Variants in SNAP23 observed in about 807,000 individuals in gnomAD.
SNAP23 encodes the protein synaptosome associated protein 23.
Under a neutral mutation model 29.0 loss-of-function variants are expected in SNAP23, and 11 were observed. The observed-to-expected ratio is 0.38, with a 90% CI of 0.24 to 0.63. The LOEUF (loss-of-function observed/expected upper bound fraction) is 0.63. Ranked by LOEUF, SNAP23 falls within the 20% of genes least tolerant of loss-of-function variation. SNAP23 has a pLI of 0.58. For synonymous variants in SNAP23, 60 were observed against 82.9 expected (o/e 0.72, Z 1.50); for missense variants, 220 against 253.9 (o/e 0.87, Z 0.91).
Position 42,515,165 on chromosome 15 carries a change from C to T in SNAP23, c.149-72C>T. 13 of 884,850 alleles carry T rather than the reference C, an allele frequency of 1.5e-5. No individual in the cohort carries two copies. In the South Asian group the frequency reaches 1.9e-4, roughly 13 times the overall value. The allele number at this position is 884,850 out of a possible 1,614,324, so 54.8% of individuals were successfully genotyped here. ...AGATTCAAGGTTGAAGTTTGCTGTTCCATAATAATAGCATTTTCTGGTTGA... is the reference window on the plus strand; with the variant it reads ...AGATTCAAGGTTGAAGTTTGCTGTTTCATAATAATAGCATTTTCTGGTTGA... On this transcript the variant is annotated intron_variant, in intron 4 of 7. Coordinates refer to ENST00000249647, the MANE Select transcript of SNAP23 (RefSeq NM_003825.4).
At chr15:42,516,804 T>G (rs1595524005) in intron 5 of SNAP23, among the ~76,000 whole-genome samples, 1 of 152,386 alleles carries the variant, frequency 6.6e-6, no homozygotes, top group East Asian at 1.9e-4. Flanking sequence ...GTCAGTCAAC[T>G]TTAGTGTTTG....
chr15:42,514,050 G>C (rs2057378922), intron 4 of SNAP23, among the ~76,000 whole-genome samples: 1 of 151,478 alleles, frequency 6.6e-6, no homozygotes, highest in Non-Finnish European at 1.5e-5. Context: ...CCTAACCTCA[G>C]GTGATCCACC....
At chr15:42,513,180 A>C (rs1301284334) in intron 3 of SNAP23, 184 bp downstream of exon 3, 1 of 744,286 alleles carries the variant, frequency 1.3e-6, no homozygotes, top group Non-Finnish European at 2.4e-6. Context: ...ACAGTATTGG[A>C]ATATGACAGG....
Position 42,515,290 on chromosome 15 carries a change from G to C in SNAP23, c.202G>C (p.Glu68Gln). ...GLDQINKDMR[E>Q]TEKTLTELNK... ...GGACCAAATAAATAAGGACATGAGAGAGACAGAGAAGACTTTAACAGAACT... is the reference window on the plus strand; with the variant it reads ...GGACCAAATAAATAAGGACATGAGACAGACAGAGAAGACTTTAACAGAACT... Residue 68 changes from glutamate (E) to glutamine (Q), a missense_variant, in exon 5 of 8, where the codon GAG becomes CAG. Coordinates refer to ENST00000249647, the MANE Select transcript of SNAP23 (RefSeq NM_003825.4). 1 of 1,612,914 alleles carries C rather than the reference G, an allele frequency of 6.2e-7. No homozygotes were observed. The highest frequency in any genetic ancestry group is 8.5e-7 in the Non-Finnish European group (1 of 1,179,546).
intron 1 of SNAP23, among the ~76,000 whole-genome samples, chr15:42,507,900 A>G (rs2057327561): frequency 1.3e-5 from 2 of 152,014 alleles, no homozygotes; most frequent in South Asian, 2.1e-4. Flanking sequence ...TTTTTTTTTC[A>G]GTAAATACAA....
intron 5 of SNAP23, among the ~76,000 whole-genome samples, chr15:42,519,645 C>T (rs988002488): frequency 6.6e-6 from 1 of 152,122 alleles, no homozygotes; most frequent in Non-Finnish European, 1.5e-5. Context: ...GCTGGGGTTA[C>T]AGGCATGAGC....
At chr15:42,511,347 G>A (rs1476627627) in intron 1 of SNAP23, among the ~76,000 whole-genome samples, 1 of 152,180 alleles carries the variant, frequency 6.6e-6, no homozygotes, top group Admixed American at 6.5e-5. Context: ...ATTTTCTCCA[G>A]TGAGTGTCCT....
chr15:42,501,549 G>A (rs752775420), intron 1 of SNAP23, among the ~76,000 whole-genome samples: 6 of 151,698 alleles, frequency 4.0e-5, no homozygotes. Flanking sequence ...ACAGGTGCAC[G>A]CCACCAGGCC....
chr15:42,519,056 T>C (rs1265508794), intron 5 of SNAP23, among the ~76,000 whole-genome samples: 1 of 77,618 alleles, frequency 1.3e-5, no homozygotes, highest in East Asian at 3.3e-4. Flanking sequence ...TTTCTTCTTC[T>C]TTTTTTTTTT....
chr15:42,523,934 A>G (rs1210089039), intron 5 of SNAP23, among the ~76,000 whole-genome samples: 1 of 152,090 alleles, frequency 6.6e-6, no homozygotes, highest in African/African-American at 2.4e-5. Flanking sequence ...CTCCTGCCTC[A>G]GCCTCCCAAG....
upstream of SNAP23, among the ~76,000 whole-genome samples, chr15:42,494,481 C>A (rs1213241161): frequency 6.7e-6 from 1 of 149,594 alleles, no homozygotes; most frequent in Admixed American, 6.8e-5. Flanking sequence ...TTACAGACAC[C>A]CGCCACCACA....
At chr15:42,530,958 G>A (rs748591025) in intron 7 of SNAP23, among the ~76,000 whole-genome samples, 2 of 152,090 alleles carry the variant, frequency 1.3e-5, no homozygotes, top group African/African-American at 2.4e-5. Flanking sequence ...TAATAGATTC[G>A]TTTCAAAGAT....
intron 7 of SNAP23, among the ~76,000 whole-genome samples, 154 bp downstream of exon 7, chr15:42,529,973 C>A (rs1055665774): frequency 1.3e-5 from 2 of 152,170 alleles, no homozygotes; most frequent in African/African-American, 4.8e-5. Context: ...ACACATAAAA[C>A]AAGAGCCAAG....
intron 1 of SNAP23, among the ~76,000 whole-genome samples, chr15:42,506,836 G>A (rs1274016934): frequency 1.6e-5 from 2 of 123,866 alleles, no homozygotes; most frequent in African/African-American, 6.0e-5. Flanking sequence ...TTTTTTTTTT[G>A]GAAACAGGGT....
At chr15:42,518,435 T>C (rs1052542600) in intron 5 of SNAP23, among the ~76,000 whole-genome samples, 13 of 136,982 alleles carry the variant, frequency 9.5e-5, no homozygotes, top group African/African-American at 3.8e-4. Context: ...TCTTTCTCTT[T>C]TTTTTTTTTT....
chr15:42,524,548 C>A (rs555188401), intron 5 of SNAP23, among the ~76,000 whole-genome samples: 1 of 152,216 alleles, frequency 6.6e-6, no homozygotes, highest in East Asian at 1.9e-4. Flanking sequence ...TCTAGTTGTA[C>A]GCTCCTTATG....
intron 6 of SNAP23, among the ~76,000 whole-genome samples, chr15:42,529,374 A>G (rs8031883): frequency 0.047 from 7,223 of 152,172 alleles, 576 homozygotes; most frequent in African/African-American, 0.16. Context: ...TAGGTCTGGA[A>G]TGGAGTGTGA....
At position 42,520,270 on chromosome 15, in the gene SNAP23, C is replaced by T. The variant is rs961169721; in HGVS notation, c.266+4916C>T. 5.3e-5 allele frequency among the ~76,000 whole-genome samples: 8 copies of T among 150,790 alleles called. No individual in the cohort carries two copies. In the East Asian group the frequency reaches 1.2e-3, roughly 22 times the overall value. Reference sequence around the variant, plus strand: ...TTCACCATGTTGGTCAGGCTGGTCTCGAACTCCTGACCACGTGATCCATCC... The same window carrying T: ...TTCACCATGTTGGTCAGGCTGGTCTTGAACTCCTGACCACGTGATCCATCC... On this transcript the variant is annotated intron_variant, in intron 5 of 7. Coordinates refer to ENST00000249647, the MANE Select transcript of SNAP23 (RefSeq NM_003825.4).
intron 1 of SNAP23, among the ~76,000 whole-genome samples, chr15:42,501,754 A>G (rs539790361): frequency 2.0e-5 from 3 of 152,294 alleles, no homozygotes; most frequent in Admixed American, 6.5e-5. Flanking sequence ...AAAAGTTATA[A>G]TAGTTTTATT....
Sources: allele counts gnomAD v4.1 joint callset (sites outside exome capture counted in the v4.1 genomes callset), GRCh38; gene constraint gnomAD v4.1.1; transcripts MANE v1.5; gene names NCBI Gene and HGNC (gene_info 2026-07-23, HGNC 2026-07-21).